Variants in AADACL4 observed in about 807,000 individuals in gnomAD.
AADACL4 encodes the protein arylacetamide deacetylase like 4, also known as arylacetamide deacetylase-like 4.
Under a neutral mutation model 14.1 loss-of-function variants are expected in AADACL4, and 9 were observed. The ratio of observed to expected loss-of-function variants is 0.64; its 90% CI spans 0.39 to 1.12. The LOEUF (loss-of-function observed/expected upper bound fraction) is 1.12, where lower values mean the gene tolerates loss of function less well. Among genes scored for constraint, AADACL4 ranks in the 50% most tolerant of loss-of-function variants. AADACL4 has a pLI of 0.01. For synonymous variants in AADACL4, 188 were observed against 201.6 expected (o/e 0.93, Z 0.57); for missense variants, 531 against 516.1 (o/e 1.03, Z -0.28).
intron 1 of AADACL4, among the ~76,000 whole-genome samples, chr1:12,649,220 T>C (rs926665390): frequency 6.6e-6 from 1 of 152,168 alleles, no homozygotes; most frequent in Non-Finnish European, 1.5e-5. Context: ...GGGAGGAGGA[T>C]GGCCCCACGT....
intron 3 of AADACL4, among the ~76,000 whole-genome samples, chr1:12,662,665 T>G (rs1647246784): frequency 6.6e-6 from 1 of 152,096 alleles, no homozygotes; most frequent in Admixed American, 6.6e-5. Flanking sequence ...CGAGAGAAAT[T>G]AAAATCTGCC....
intron 1 of AADACL4, 58 bp from the exon 2 acceptor site, chr1:12,651,065 C>T: frequency 6.6e-7 from 1 of 1,510,344 alleles, no homozygotes; most frequent in South Asian, 1.1e-5. Context: ...GTCAGGGAAT[C>T]TACCATCCAG....
rs1417799976 is a variant in AADACL4, at chr1:12,666,808, C to T, written c.*73C>T. On this transcript the variant is annotated 3_prime_UTR_variant, in exon 4 of 4. Coordinates refer to ENST00000376221, the MANE Select transcript of AADACL4 (RefSeq NM_001013630.2). ...CAGAAACCGGGTGCTTTAGTGAGTT[C>T]TATTTTATTGACTAAAGAGGTGCTA... 7.0e-7 allele frequency: 1 copy of T among 1,426,304 alleles called. No homozygotes were observed. Among genetic ancestry groups the T allele is most frequent in the Non-Finnish European group, 9.4e-7 (1 of 1,063,130 alleles). 88.4% of individuals were successfully genotyped at this position (1,426,304 alleles called of 1,614,324 possible).
At chr1:12,660,833 G>A (rs141203446) in intron 2 of AADACL4, among the ~76,000 whole-genome samples, 234 of 152,104 alleles carry the variant, frequency 1.5e-3, no homozygotes, top group African/African-American at 5.3e-3. Context: ...TAGTAGAGAC[G>A]GGGTTTCACC....
At chr1:12,651,006 C>T in intron 1 of AADACL4, 117 bp from the exon 2 acceptor site, 1 of 986,590 alleles carries the variant, frequency 1.0e-6, no homozygotes, top group Admixed American at 2.1e-5. Flanking sequence ...CCCCCTGTAC[C>T]TACAGGAGGC....
In AADACL4 at chr1:12,665,992, G is replaced by A. The variant is rs778344351; in HGVS notation, c.481G>A (p.Ala161Thr). 2 of 1,612,480 alleles carry A rather than the reference G, an allele frequency of 1.2e-6. No individual in the cohort carries two copies. The highest frequency in any genetic ancestry group is 2.7e-5 in the African/African-American group (2 of 74,998). ...CAAGCTTCCTGACCACCATTCCCCT[G>A]CCCTTTTCCAAGACTGCATGAATGC... Reference protein sequence around the residue: ...YRKLPDHHSPALFQDCMNASI... With the variant: ...YRKLPDHHSPTLFQDCMNASI... Residue 161 changes from alanine to threonine, a missense_variant, in exon 4 of 4, where the codon GCC becomes ACC. Physicochemically the swap from Ala to Thr is moderately conservative, Grantham distance 58. Coordinates refer to ENST00000376221, the MANE Select transcript of AADACL4 (RefSeq NM_001013630.2).
At chr1:12,652,953 G>A (rs1246481061) in intron 2 of AADACL4, among the ~76,000 whole-genome samples, 4 of 152,166 alleles carry the variant, frequency 2.6e-5, no homozygotes, top group Non-Finnish European at 4.4e-5. Context: ...ATGTGAAACC[G>A]CTGCCTGGAA....
At chr1:12,664,904 G>A (rs528014717) in intron 3 of AADACL4, among the ~76,000 whole-genome samples, 1 of 152,058 alleles carries the variant, frequency 6.6e-6, no homozygotes, top group African/African-American at 2.4e-5. Context: ...TTTCTTTGAG[G>A]GGACATACTT....
rs11802737 is a variant in AADACL4, at chr1:12,651,977, T to C, written c.385+638T>C. 4.5e-3 allele frequency among the ~76,000 whole-genome samples: 678 copies of C among 151,942 alleles called. 6 individuals are homozygous for C. Among genetic ancestry groups the C allele is most frequent in the African/African-American group, 0.015 (641 of 41,448 alleles). ...CCAAGTAGCTGGGACTACAGGTGCC[T>C]GCCACCGTGACCAGCTAATTTTTTT... On this transcript the variant is annotated intron_variant, in intron 2 of 3. Transcript: ENST00000376221.
At chr1:12,656,428 C>T (rs1369718898) in intron 2 of AADACL4, among the ~76,000 whole-genome samples, 3 of 152,152 alleles carry the variant, frequency 2.0e-5, no homozygotes, top group African/African-American at 7.2e-5. Context: ...AAGCTGTGGG[C>T]CTGCAAGCTT....
chr1:12,652,360 C>T (rs1216919862), intron 2 of AADACL4, among the ~76,000 whole-genome samples: 1 of 152,192 alleles, frequency 6.6e-6, no homozygotes, highest in Non-Finnish European at 1.5e-5. Flanking sequence ...AGATACCCTT[C>T]CCACCCCTGT....
At chr1:12,665,745 G>A (rs1490149217) in intron 3 of AADACL4, among the ~76,000 whole-genome samples, 1 of 152,142 alleles carries the variant, frequency 6.6e-6, no homozygotes, top group Non-Finnish European at 1.5e-5. Flanking sequence ...AGCTGACAGA[G>A]CACAGGTTTG....
intron 2 of AADACL4, among the ~76,000 whole-genome samples, chr1:12,658,087 TTCTCTTTCTTTC>T (rs1203733200): frequency 6.4e-5 from 8 of 125,132 alleles, no homozygotes; most frequent in Non-Finnish European, 8.1e-5. Context: ...CTTTCTTTCT[TTCTCTTTCTTTC>T]TCTCTTTCTT....
Position 12,644,125 on chromosome 1 carries a change from C to T in AADACL4, c.-422C>T, listed in dbSNP as rs149193941. On this transcript the variant is annotated 5_prime_UTR_variant, in exon 1 of 4. Transcript: ENST00000376221. Reference sequence around the variant, plus strand: ...GAGCTGGGGTGAGACGTGCTGTGCTCACCCTAACCACACTCTGACAAGGAA... The same window carrying T: ...GAGCTGGGGTGAGACGTGCTGTGCTTACCCTAACCACACTCTGACAAGGAA... Among the ~76,000 whole-genome samples, 20 of 152,306 alleles carry T rather than the reference C, an allele frequency of 1.3e-4. No homozygotes were observed. The highest frequency in any genetic ancestry group is 1.7e-4 in the African/African-American group (7 of 41,566).
chr1:12,644,505 G>C lies in AADACL4; in HGVS notation c.-42G>C, dbSNP rs1647097014. On this transcript the variant is annotated 5_prime_UTR_variant, in exon 1 of 4. Coordinates refer to ENST00000376221, the MANE Select transcript of AADACL4 (RefSeq NM_001013630.2). Reference sequence around the variant, plus strand: ...CAGGTCCTCTTCACATAAGCTATCAGACAAGCTCCTCAGGGCAGCAGCTCC... The same window carrying C: ...CAGGTCCTCTTCACATAAGCTATCACACAAGCTCCTCAGGGCAGCAGCTCC... The C allele has an allele frequency of 3.1e-6, 5 of 1,603,212 alleles. No homozygotes were observed. The highest frequency in any genetic ancestry group is 4.3e-6 in the Non-Finnish European group (5 of 1,174,928).
At chr1:12,654,481 C>T (rs755955067) in intron 2 of AADACL4, among the ~76,000 whole-genome samples, 3 of 152,126 alleles carry the variant, frequency 2.0e-5, no homozygotes, top group African/African-American at 4.8e-5. Context: ...GACCTTATTT[C>T]GGTGTGTGAG....
chr1:12,657,469 C>T (rs56095302), intron 2 of AADACL4, among the ~76,000 whole-genome samples: 2,428 of 152,206 alleles, frequency 0.016, 66 homozygotes, highest in African/African-American at 0.056. Flanking sequence ...GCCATTGGGA[C>T]GTTGACCCTC....
intron 2 of AADACL4, among the ~76,000 whole-genome samples, chr1:12,653,106 C>T (rs952433895): frequency 1.3e-5 from 2 of 152,130 alleles, no homozygotes; most frequent in Admixed American, 1.3e-4. Context: ...GGTCTTGGCC[C>T]CGCCTAGTGT....
Position 12,665,986 on chromosome 1 carries a change from T to TC in AADACL4, c.479dup (p.Ala161CysfsTer95). On this transcript the variant is annotated frameshift_variant, in exon 4 of 4. Transcript: ENST00000376221. LOFTEE classifies it low-confidence loss of function (END_TRUNC). ...GTACCGCAAGCTTCCTGACCACCAT[T>TC]CCCCTGCCCTTTTCCAAGACTGCAT... 1 of 1,609,894 alleles carries TC rather than the reference T, an allele frequency of 6.2e-7. No homozygotes were observed. Among genetic ancestry groups the TC allele is most frequent in the Non-Finnish European group, 8.5e-7 (1 of 1,176,964 alleles).
Sources: gnomAD v4.1 joint callset for allele counts (sites outside exome capture counted in the v4.1 genomes callset) on GRCh38, gnomAD v4.1.1 for gene constraint, MANE v1.5 for transcripts, NCBI Gene and HGNC (gene_info 2026-07-23, HGNC 2026-07-21) for gene names.